SFI1: variants seen among roughly 807,000 people sequenced by gnomAD.
The protein encoded by SFI1 is SFI1 centrin binding protein, also known as protein SFI1 homolog.
SFI1 carries 195 observed loss-of-function variants against 207.5 expected under a neutral mutation model. The ratio of observed to expected loss-of-function variants is 0.94; its 90% CI spans 0.84 to 1.06. The LOEUF (loss-of-function observed/expected upper bound fraction) is 1.06, where lower values mean the gene tolerates loss of function less well. Ranked by LOEUF, SFI1 falls within the 50% of genes least tolerant of loss-of-function variation. The pLI is 0.00. For synonymous variants in SFI1, 630 were observed against 598.9 expected (o/e 1.05, Z -0.76); for missense variants, 1,634 against 1,588.0 (o/e 1.03, Z -0.49).
chr22:31,520,384 T>C (rs974734816), intron 2 of SFI1, among the ~76,000 whole-genome samples: 2 of 152,174 alleles, frequency 1.3e-5, no homozygotes, highest in Non-Finnish European at 2.9e-5. Flanking sequence ...GATTATAAGC[T>C]ACTTTCATTG....
intron 4 of SFI1, chr22:31,538,465 G>C (rs2059198218): frequency 6.5e-6 from 1 of 152,952 alleles, no homozygotes; most frequent in Non-Finnish European, 1.5e-5. Flanking sequence ...TGCTGTGAAT[G>C]GCACAACTCA....
At chr22:31,604,658 G>A (rs2068666794) in intron 19 of SFI1, 1 of 589,888 alleles carries the variant, frequency 1.7e-6, no homozygotes. Flanking sequence ...GAGTCCCATG[G>A]TTTGACTTAG....
intron 15 of SFI1, among the ~76,000 whole-genome samples, chr22:31,590,951 TTTTATTTATTTATTTA>T (rs200262154): frequency 1.3e-4 from 19 of 144,352 alleles, no homozygotes; most frequent in South Asian, 2.1e-4. Context: ...ACTTTTTTCT[TTTTATTTATTTATTTA>T]TTTATTTATT....
rs962900585 is a variant in SFI1, at chr22:31,617,064, C to A, written c.3498C>A (p.Thr1166=). The change falls in exon 31 of 33, where the codon ACC becomes ACA. Residue 1166 remains threonine, a synonymous_variant. Transcript: ENST00000400288. The stretch of plus-strand genomic sequence containing the variant: ...AGCAACTACTGCACTACCAGACCAC[C>A]AAGCAGAACCTCTGGTGAGCCCTGC... The part of the protein sequence containing the change: ...IQQQLLHYQT[T]KQNLWSCRRQ... The A allele has an allele frequency of 1.2e-6, 2 of 1,614,036 alleles. No homozygotes were observed. Among genetic ancestry groups the A allele is most frequent in the African/African-American group, 1.3e-5 (1 of 75,038 alleles).
chr22:31,567,848 A>G (rs2062483370), intron 8 of SFI1, among the ~76,000 whole-genome samples: 1 of 152,228 alleles, frequency 6.6e-6, no homozygotes, highest in Non-Finnish European at 1.5e-5. Flanking sequence ...TACACAGAGA[A>G]TAATTACTTC....
chr22:31,534,303 AT>A (rs773484782), intron 4 of SFI1, among the ~76,000 whole-genome samples: 5 of 151,948 alleles, frequency 3.3e-5, no homozygotes, highest in South Asian at 4.1e-4. Flanking sequence ...TATTATTCTC[AT>A]TTTATATAGC....
intron 4 of SFI1, among the ~76,000 whole-genome samples, chr22:31,543,289 C>A (rs1041281620): frequency 1.3e-5 from 2 of 151,918 alleles, no homozygotes; most frequent in African/African-American, 2.4e-5. Flanking sequence ...ATTATACATA[C>A]CACGCAGTGA....
intron 8 of SFI1, 126 bp downstream of exon 8, chr22:31,561,518 T>G (rs2061701965): frequency 9.5e-6 from 7 of 734,186 alleles, no homozygotes. Flanking sequence ...AGAGGTAATC[T>G]GGAAGGCTGG....
chr22:31,587,252 TAGAGATGCATACAGGAGGAC>T (rs2065138696), intron 14 of SFI1: 5 of 280,470 alleles, frequency 1.8e-5, no homozygotes, highest in South Asian at 1.6e-4. Flanking sequence ...ATGAGTAATC[TAGAGATGCATACAGGAGGAC>T]TGTGTAGGTT....
At chr22:31,615,336 G>A (rs2071238255) in intron 29 of SFI1, 57 bp downstream of exon 29, 1 of 1,379,558 alleles carries the variant, frequency 7.2e-7, no homozygotes, top group East Asian at 2.5e-5. Flanking sequence ...TCTGACTTCT[G>A]GTGCTTTCTC....
At position 31,607,931 on chromosome 22, in the gene SFI1, C is replaced by G. The variant is rs747924166; in HGVS notation, c.2158-6C>G. The G allele has an allele frequency of 1.4e-5, 23 of 1,613,322 alleles. No homozygotes were observed. Among genetic ancestry groups the G allele is most frequent in the East Asian group, 2.2e-5 (1 of 44,874 alleles). On this transcript the variant is annotated splice_polypyrimidine_tract_variant and splice_region_variant and intron_variant, in intron 21 of 32. Transcript: ENST00000400288. ...GACTCTTGCTGTGCTCCTTGCCTGCCCATAGGTCCTGGTCCAGTGGCGGGA... is the reference window on the plus strand; with the variant it reads ...GACTCTTGCTGTGCTCCTTGCCTGCGCATAGGTCCTGGTCCAGTGGCGGGA...
chr22:31,614,343 C>T (rs2070968791), intron 27 of SFI1: 1 of 371,318 alleles, frequency 2.7e-6, no homozygotes, highest in African/African-American at 2.1e-5. Flanking sequence ...TGCCCTGCCC[C>T]ATGCTGATGA....
chr22:31,543,626 G>A (rs5998035), intron 4 of SFI1, among the ~76,000 whole-genome samples: 53,611 of 151,298 alleles, frequency 0.35, 10,277 homozygotes, highest in African/African-American at 0.49. Flanking sequence ...CCTGGCCATC[G>A]TGGCAAAACC....
At position 31,605,035 on chromosome 22, in the gene SFI1, A is replaced by C. The variant is rs905455734; in HGVS notation, c.2054+90A>C. On this transcript the variant is annotated intron_variant, in intron 20 of 32. Coordinates refer to ENST00000400288, the MANE Select transcript of SFI1 (RefSeq NM_001007467.3). ...CTTTTAGGGGGTCCTGCTGAGGGCC[A>C]GGTCGGGGATGATCCCGGGTTCCTA... The C allele has an allele frequency of 2.6e-5, 31 of 1,180,218 alleles. No homozygotes were observed. In the African/African-American group the frequency reaches 3.3e-4, roughly 12 times the overall value. The allele number at this position is 1,180,218 out of a possible 1,614,324, so 73.1% of individuals were successfully genotyped here.
rs1357367129 is a variant in SFI1, at chr22:31,528,858, C to T, written c.261C>T (p.Arg87=). The change falls in exon 3 of 33, where the codon CGC becomes CGT. Residue 87 remains arginine, a synonymous_variant. Transcript: ENST00000400288. The part of the protein sequence containing the change: ...CTRQGRLREL[R]IRCVARKFLY... ...GACAGGGCCGGTTAAGAGAACTGCG[C>T]ATCAGGTGAGCTTATGAGTGGCCAC... 1 of 1,612,930 alleles carries T rather than the reference C, an allele frequency of 6.2e-7. No homozygotes were observed. Among genetic ancestry groups the T allele is most frequent in the Admixed American group, 1.7e-5 (1 of 59,846 alleles).
intron 2 of SFI1, 114 bp downstream of exon 2, chr22:31,508,490 GT>G (rs1219485659): frequency 3.7e-5 from 25 of 681,772 alleles, no homozygotes; most frequent in Middle Eastern, 4.1e-4. Flanking sequence ...CTGTGGGTAA[GT>G]TTTTTTTGTC....
chr22:31,592,916 T>A (rs1248687969), intron 15 of SFI1, among the ~76,000 whole-genome samples: 2 of 87,220 alleles, frequency 2.3e-5, no homozygotes, highest in African/African-American at 5.2e-5. Flanking sequence ...GGCTCCTCAC[T>A]TCCCAGTAGG....
At chr22:31,544,258 A>T (rs1033681035) in intron 4 of SFI1, among the ~76,000 whole-genome samples, 29 of 151,960 alleles carry the variant, frequency 1.9e-4, no homozygotes, top group Admixed American at 1.5e-3. Context: ...TTTCCTGACT[A>T]ATTTCTCTTA....
At chr22:31,605,136 C>A in intron 20 of SFI1, 191 bp downstream of exon 20, 1 of 456,746 alleles carries the variant, frequency 2.2e-6, no homozygotes, top group Non-Finnish European at 3.9e-6. Flanking sequence ...CTGCTGTGTG[C>A]AGGGCAGGAC....
Sources: gnomAD v4.1 joint callset for allele counts (sites outside exome capture counted in the v4.1 genomes callset) on GRCh38, gnomAD v4.1.1 for gene constraint, MANE v1.5 for transcripts, NCBI Gene and HGNC (gene_info 2026-07-23, HGNC 2026-07-21) for gene names.